The following NEK10 variants were observed in gnomAD, a reference collection of about 807,000 sequenced individuals.
The protein encoded by NEK10 is NIMA related kinase 10.
A neutral mutation model predicts 159.8 loss-of-function variants in NEK10; 122 were observed. That is an observed-to-expected ratio of 0.76 (90% CI 0.66 to 0.89). The LOEUF (loss-of-function observed/expected upper bound fraction) is 0.89, where lower values mean the gene tolerates loss of function less well. Ranked by LOEUF, NEK10 falls within the 40% of genes least tolerant of loss-of-function variation. The pLI, the probability that NEK10 is intolerant of heterozygous loss-of-function variation, is 0.00. For missense variants in NEK10, 1,342 were observed against 1,323.1 expected, an observed-to-expected ratio of 1.01 and a Z score of -0.22; for synonymous variants, 466 against 457.1, an observed-to-expected ratio of 1.02 and a Z score of -0.25.
chr3:27,152,612 A>C (rs557792055), intron 30 of NEK10, among the ~76,000 whole-genome samples: 87 of 152,276 alleles, frequency 5.7e-4, no homozygotes, highest in African/African-American at 1.8e-3. Flanking sequence ...CAAAAAAAAA[A>C]CAAAAGTACA....
intron 9 of NEK10, chr3:27,310,680 T>A (rs2044621201): frequency 6.3e-6 from 2 of 319,840 alleles, no homozygotes. Context: ...GCTTTTCAAA[T>A]AATATTTAAG....
At chr3:27,302,739 C>A (rs2043928970) in intron 12 of NEK10, among the ~76,000 whole-genome samples, 1 of 152,124 alleles carries the variant, frequency 6.6e-6, no homozygotes. Context: ...GATGGAGTTT[C>A]CTTGACTTCC....
At chr3:27,156,942 A>G (rs1945515932) in intron 30 of NEK10, among the ~76,000 whole-genome samples, 1 of 78,018 alleles carries the variant, frequency 1.3e-5, no homozygotes, top group South Asian at 4.7e-4. Flanking sequence ...ATATATATAT[A>G]TATATATATA....
chr3:27,270,113 G>A (rs149507372), intron 22 of NEK10, among the ~76,000 whole-genome samples: 22 of 152,240 alleles, frequency 1.4e-4, no homozygotes, highest in African/African-American at 4.8e-4. Context: ...ATAGCAGAAC[G>A]GATGAGATGT....
At chr3:27,120,171 T>C (rs1941083800) in intron 32 of NEK10, among the ~76,000 whole-genome samples, 1 of 152,164 alleles carries the variant, frequency 6.6e-6, no homozygotes, top group Non-Finnish European at 1.5e-5. Flanking sequence ...GAAGCTGGGA[T>C]ATCAAGATGT....
intron 22 of NEK10, among the ~76,000 whole-genome samples, chr3:27,270,961 GTATT>G (rs1338563648): frequency 1.3e-5 from 2 of 151,820 alleles, no homozygotes; most frequent in Non-Finnish European, 2.9e-5. Flanking sequence ...ATTACTTTAT[GTATT>G]TATTTAGTAT....
chr3:27,304,771 T>C lies in NEK10; in HGVS notation c.1004A>G (p.Lys335Arg). Residue 335 changes from lysine to arginine, a missense_variant, in exon 12 of 36, where the codon AAA becomes AGA. Transcript: ENST00000691995. ...CCCTTGTAAAATATGAAGAAGCTGT[T>C]TGATGCCTCCCCAAATGCGAATTTC... ...SVEIRIWGGI[K>R]QLLHILQGDR... The C allele has an allele frequency of 6.2e-7, 1 of 1,613,484 alleles. No individual in the cohort carries two copies. Among genetic ancestry groups the C allele is most frequent in the African/African-American group, 1.3e-5 (1 of 75,024 alleles).
chr3:27,258,464 T>G (rs368060253), intron 22 of NEK10, among the ~76,000 whole-genome samples: 1 of 148,550 alleles, frequency 6.7e-6, no homozygotes, highest in Non-Finnish European at 1.5e-5. Context: ...AGTGAGAACA[T>G]GCGGTGTTTG....
At chr3:27,289,497 T>G (rs558242625) in intron 19 of NEK10, among the ~76,000 whole-genome samples, 3 of 152,346 alleles carry the variant, frequency 2.0e-5, no homozygotes, top group South Asian at 2.1e-4. Flanking sequence ...ACAGTTTCTT[T>G]TCTTAGGAAA....
At position 27,226,247 on chromosome 3, in the gene NEK10, G is replaced by A. The variant is rs376802984; in HGVS notation, c.2091-23690C>T. ...TTTTTAGTAGAGACAGGGTTTCACC[G>A]TGTTAGCCAGGATGGTCTAGATCTC... On this transcript the variant is annotated intron_variant, in intron 23 of 35. Transcript: ENST00000691995. 2.9e-4 allele frequency among the ~76,000 whole-genome samples: 44 copies of A among 150,812 alleles called. No homozygotes were observed. In the South Asian group the frequency reaches 4.4e-3, roughly 15 times the overall value.
At chr3:27,237,931 C>T (rs763062928) in intron 23 of NEK10, among the ~76,000 whole-genome samples, 14 of 152,042 alleles carry the variant, frequency 9.2e-5, no homozygotes, top group African/African-American at 1.4e-4. Flanking sequence ...CCATGCTTTC[C>T]GCACCCTCAA....
At chr3:27,238,294 G>A (rs1954165946) in intron 23 of NEK10, among the ~76,000 whole-genome samples, 1 of 152,166 alleles carries the variant, frequency 6.6e-6, no homozygotes, top group Non-Finnish European at 1.5e-5. Flanking sequence ...CAGTATTTGT[G>A]TATGTGTGTT....
chr3:27,108,412 A>C lies in NEK10; in HGVS notation c.*2860T>G, dbSNP rs945497252. Among the ~76,000 whole-genome samples the C allele has an allele frequency of 6.6e-6, 1 of 152,240 alleles. No individual in the cohort carries two copies. Among genetic ancestry groups the C allele is most frequent in the Non-Finnish European group, 1.5e-5 (1 of 68,040 alleles). ...ACAAGCAAGCAAATATTCCTGCTGC[A>C]GTCACTTCCCTGAGAATGAAACATT... On this transcript the variant is annotated 3_prime_UTR_variant, in exon 36 of 36. Transcript: ENST00000691995.
At chr3:27,278,322 A>T (rs2041913830) in intron 22 of NEK10, among the ~76,000 whole-genome samples, 1 of 152,236 alleles carries the variant, frequency 6.6e-6, no homozygotes, top group South Asian at 2.1e-4. Context: ...TATGTCCTTC[A>T]TGCTTGCTGT....
chr3:27,144,968 C>T (rs1364760470), intron 30 of NEK10, among the ~76,000 whole-genome samples: 2 of 152,110 alleles, frequency 1.3e-5, no homozygotes, highest in African/African-American at 4.8e-5. Context: ...GTGATCCACC[C>T]ACCTCGACCT....
intron 35 of NEK10, 85 bp from the exon 36 acceptor site, chr3:27,111,405 C>A (rs1939512344): frequency 2.0e-6 from 2 of 1,001,158 alleles, no homozygotes; most frequent in Admixed American, 5.0e-5. Flanking sequence ...GGGGCTCAGG[C>A]ATATAAGTAA....
At chr3:27,175,984 C>T (rs1228546078) in intron 26 of NEK10, among the ~76,000 whole-genome samples, 1 of 152,042 alleles carries the variant, frequency 6.6e-6, no homozygotes, top group Non-Finnish European at 1.5e-5. Flanking sequence ...TTTTTTCCTA[C>T]AGTAAAATGA....
chr3:27,343,335 T>A (rs1434079695), intron 5 of NEK10, among the ~76,000 whole-genome samples: 1 of 152,214 alleles, frequency 6.6e-6, no homozygotes, highest in African/African-American at 2.4e-5. Flanking sequence ...CTACTTAAAA[T>A]CAGCTATTGC....
chr3:27,344,483 A>C (rs2047414482), intron 4 of NEK10, 113 bp from the exon 5 acceptor site: 1 of 558,490 alleles, frequency 1.8e-6, no homozygotes, highest in Non-Finnish European at 3.2e-6. Context: ...ATTACTAACC[A>C]CTATACTAAT....
Sources: gnomAD v4.1 joint callset for allele counts (sites outside exome capture counted in the v4.1 genomes callset) on GRCh38, gnomAD v4.1.1 for gene constraint, MANE v1.5 for transcripts, NCBI Gene and HGNC (gene_info 2026-07-23, HGNC 2026-07-21) for gene names.